Variants in PRKCB observed in about 807,000 individuals in gnomAD.
PRKCB encodes protein kinase C beta type.
PRKCB carries 13 observed loss-of-function variants against 81.5 expected under a neutral mutation model. The observed-to-expected ratio is 0.16, with a 90% CI of 0.10 to 0.25. The LOEUF (loss-of-function observed/expected upper bound fraction) is 0.25. Among genes scored for constraint, PRKCB ranks in the 10% least tolerant of loss-of-function variants. The pLI is 1.00. For synonymous variants in PRKCB, 335 were observed against 321.4 expected, an observed-to-expected ratio of 1.04 and a Z score of -0.45; for missense variants, 509 against 875.7, an observed-to-expected ratio of 0.58 and a Z score of 5.29.
intron 3 of PRKCB, among the ~76,000 whole-genome samples, chr16:24,028,233 T>G (rs527855023): frequency 2.7e-4 from 41 of 152,000 alleles, no homozygotes; most frequent in Non-Finnish European, 4.9e-4. Context: ...GGACTACAGG[T>G]GCATGCCACT....
At chr16:24,027,807 C>T (rs1171454141) in intron 3 of PRKCB, among the ~76,000 whole-genome samples, 1 of 152,140 alleles carries the variant, frequency 6.6e-6, no homozygotes, top group African/African-American at 2.4e-5. Context: ...TCTTGCTCTC[C>T]CACCCATGCT....
intron 5 of PRKCB, among the ~76,000 whole-genome samples, chr16:24,072,883 ACT>A (rs947428942): frequency 7.3e-5 from 11 of 151,444 alleles, no homozygotes; most frequent in African/African-American, 2.4e-4. Flanking sequence ...ACCTGGCCTA[ACT>A]CTCTCTCTCT....
chr16:24,195,997 C>A (rs935235552), intron 16 of PRKCB, among the ~76,000 whole-genome samples: 4 of 152,210 alleles, frequency 2.6e-5, no homozygotes, highest in Non-Finnish European at 5.9e-5. Context: ...CCGTGCCTTG[C>A]CTTTTCCCCC....
At position 24,115,674 on chromosome 16, in the gene PRKCB, A is replaced by G. The variant is rs377119948; in HGVS notation, c.918+2605A>G. On this transcript the variant is annotated intron_variant, in intron 8 of 16. Transcript: ENST00000643927. ...GACTATTTATCCCAAAGATTTTAGC[A>G]TTTATCCCAAGAGCATTTACCCAAG... 2.8e-4 allele frequency among the ~76,000 whole-genome samples: 43 copies of G among 152,176 alleles called. No individual in the cohort carries two copies. In the East Asian group the frequency reaches 5.6e-3, roughly 20 times the overall value.
chr16:23,839,850 C>T (rs903520148), intron 2 of PRKCB, among the ~76,000 whole-genome samples: 4 of 152,196 alleles, frequency 2.6e-5, no homozygotes, highest in Non-Finnish European at 5.9e-5. Context: ...AGAGTATGCT[C>T]AGAAAATATC....
chr16:23,996,006 T>C (rs976181601), intron 3 of PRKCB, among the ~76,000 whole-genome samples: 1 of 151,874 alleles, frequency 6.6e-6, no homozygotes, highest in Non-Finnish European at 1.5e-5. Flanking sequence ...GTTGTGCACT[T>C]TGCTTGGGAG....
intron 10 of PRKCB, among the ~76,000 whole-genome samples, chr16:24,158,598 G>A (rs868558783): frequency 1.1e-4 from 15 of 133,896 alleles, no homozygotes; most frequent in East Asian, 2.3e-4. Context: ...ATGTATATGT[G>A]TGTGTATGTG....
At chr16:24,086,087 G>T (rs534256879) in intron 5 of PRKCB, among the ~76,000 whole-genome samples, 2 of 152,274 alleles carry the variant, frequency 1.3e-5, no homozygotes, top group African/African-American at 4.8e-5. Flanking sequence ...AGCATGGCCA[G>T]TTACAGAGGC....
At chr16:23,927,168 C>T (rs1222906296) in intron 2 of PRKCB, among the ~76,000 whole-genome samples, 1 of 136,382 alleles carries the variant, frequency 7.3e-6, no homozygotes, top group Non-Finnish European at 1.6e-5. Flanking sequence ...TTGAAGGCAT[C>T]AGGAAGGCTT....
At chr16:23,943,571 C>T (rs1354537083) in intron 2 of PRKCB, among the ~76,000 whole-genome samples, 1 of 152,088 alleles carries the variant, frequency 6.6e-6, no homozygotes, top group Admixed American at 6.5e-5. Context: ...TCTTATTTAA[C>T]TATGTTACAC....
intron 9 of PRKCB, among the ~76,000 whole-genome samples, chr16:24,146,273 C>T (rs1029743607): frequency 1.3e-5 from 2 of 152,140 alleles, no homozygotes; most frequent in African/African-American, 4.8e-5. Flanking sequence ...TGAAGTCACT[C>T]AGGTTTTGGC....
intron 16 of PRKCB, among the ~76,000 whole-genome samples, chr16:24,197,113 A>G (rs1262786675): frequency 6.6e-6 from 1 of 152,184 alleles, no homozygotes; most frequent in Non-Finnish European, 1.5e-5. Context: ...AGGTGATGGA[A>G]ACATAGCACT....
intron 3 of PRKCB, among the ~76,000 whole-genome samples, chr16:24,003,893 A>G (rs1965076371): frequency 6.6e-6 from 1 of 152,316 alleles, no homozygotes; most frequent in East Asian, 1.9e-4. Flanking sequence ...CTTAACCACA[A>G]TAACCGCTAT....
At chr16:24,126,282 T>C (rs1044401949) in intron 9 of PRKCB, among the ~76,000 whole-genome samples, 2 of 152,272 alleles carry the variant, frequency 1.3e-5, no homozygotes, top group Admixed American at 1.3e-4. Context: ...TTAGGAAGAA[T>C]TGAGGCATTG....
intron 2 of PRKCB, among the ~76,000 whole-genome samples, chr16:23,907,809 C>A (rs1446595938): frequency 6.6e-6 from 1 of 152,194 alleles, no homozygotes; most frequent in Non-Finnish European, 1.5e-5. Flanking sequence ...TTGCAAAACT[C>A]CCTAGGACCT....
intron 11 of PRKCB, among the ~76,000 whole-genome samples, chr16:24,173,009 G>A (rs1967467872): frequency 6.6e-6 from 1 of 152,166 alleles, no homozygotes; most frequent in African/African-American, 2.4e-5. Flanking sequence ...GGTTTTGAAA[G>A]CTTGCCCAAA....
chr16:23,854,995 G>A (rs1244906871), intron 2 of PRKCB, among the ~76,000 whole-genome samples: 8 of 152,116 alleles, frequency 5.3e-5, no homozygotes, highest in Non-Finnish European at 1.5e-5. Flanking sequence ...AGGACTTAGT[G>A]CACACGCAAC....
intron 3 of PRKCB, among the ~76,000 whole-genome samples, chr16:24,026,207 G>A (rs1384533124): frequency 6.6e-6 from 1 of 152,182 alleles, no homozygotes; most frequent in Non-Finnish European, 1.5e-5. Flanking sequence ...AGGTGGAAGG[G>A]TCGCTTGAAC....
chr16:24,107,203 C>G (rs1966590149), intron 7 of PRKCB, among the ~76,000 whole-genome samples: 1 of 152,228 alleles, frequency 6.6e-6, no homozygotes, highest in African/African-American at 2.4e-5. Flanking sequence ...GCACCAACCT[C>G]TTGAATCTCA....
Sources: allele counts gnomAD v4.1 joint callset (sites outside exome capture counted in the v4.1 genomes callset), GRCh38; gene constraint gnomAD v4.1.1; transcripts MANE v1.5; gene names NCBI Gene and HGNC (gene_info 2026-07-23, HGNC 2026-07-21).